VAV3: variants seen among roughly 807,000 people sequenced by gnomAD.
VAV3 encodes vav guanine nucleotide exchange factor 3.
Under a neutral mutation model 131.2 loss-of-function variants are expected in VAV3, and 94 were observed. The ratio of observed to expected loss-of-function variants is 0.72; its 90% CI spans 0.61 to 0.85. The LOEUF (loss-of-function observed/expected upper bound fraction) is 0.85, where lower values mean the gene tolerates loss of function less well. VAV3 is among the 40% of genes least tolerant of loss of function. The pLI is 0.00. For synonymous variants in VAV3, 349 were observed against 342.0 expected, an observed-to-expected ratio of 1.02 and a Z score of -0.22; for missense variants, 939 against 1,002.7, an observed-to-expected ratio of 0.94 and a Z score of 0.86.
chr1:107,638,103 T>C (rs891799438), intron 20 of VAV3, among the ~76,000 whole-genome samples: 8 of 152,182 alleles, frequency 5.3e-5, no homozygotes, highest in South Asian at 2.1e-4. Context: ...GATAATGTCA[T>C]ACTTAATGGT....
chr1:107,626,652 C>G (rs1173467813), intron 20 of VAV3, among the ~76,000 whole-genome samples: 1 of 152,154 alleles, frequency 6.6e-6, no homozygotes, highest in East Asian at 1.9e-4. Flanking sequence ...ACTGGGAAAA[C>G]AAGCTCCAAC....
intron 2 of VAV3, among the ~76,000 whole-genome samples, chr1:107,802,256 G>A (rs926426465): frequency 6.6e-6 from 1 of 151,630 alleles, no homozygotes; most frequent in Non-Finnish European, 1.5e-5. Context: ...TTTTTTTGTG[G>A]ACTCTTTAGA....
At chr1:107,744,293 A>T (rs1388693908) in intron 15 of VAV3, among the ~76,000 whole-genome samples, 1 of 152,234 alleles carries the variant, frequency 6.6e-6, no homozygotes, top group Non-Finnish European at 1.5e-5. Context: ...CCCTTAGGTA[A>T]GCCATGTAGA....
At chr1:107,771,762 T>C (rs545741234) in intron 5 of VAV3, among the ~76,000 whole-genome samples, 1 of 152,234 alleles carries the variant, frequency 6.6e-6, no homozygotes, top group African/African-American at 2.4e-5. Context: ...GAGTGAGGAC[T>C]GCCCTTGCGG....
At chr1:107,661,272 C>T (rs532522541) in intron 19 of VAV3, among the ~76,000 whole-genome samples, 2 of 152,274 alleles carry the variant, frequency 1.3e-5, no homozygotes, top group East Asian at 3.9e-4. Context: ...GTGACATGTA[C>T]ACACAAGAGG....
At chr1:107,840,433 T>C (rs1668649244) in intron 2 of VAV3, among the ~76,000 whole-genome samples, 1 of 152,216 alleles carries the variant, frequency 6.6e-6, no homozygotes, top group South Asian at 2.1e-4. Context: ...ATTAATAAAG[T>C]GCCTTATTCT....
chr1:107,793,683 C>T (rs150868119), intron 2 of VAV3, among the ~76,000 whole-genome samples: 86 of 152,178 alleles, frequency 5.7e-4, no homozygotes, highest in African/African-American at 2.0e-3. Context: ...AAACACCAGG[C>T]TAAGGGGTCT....
intron 1 of VAV3, among the ~76,000 whole-genome samples, chr1:107,900,399 A>G (rs1671796137): frequency 1.3e-5 from 2 of 152,186 alleles, no homozygotes; most frequent in Admixed American, 1.3e-4. Flanking sequence ...TAAATCATCA[A>G]CACAGTACTT....
chr1:107,596,903 G>A (rs17536557), intron 24 of VAV3, among the ~76,000 whole-genome samples: 20,822 of 152,106 alleles, frequency 0.14, 1,514 homozygotes, highest in Non-Finnish European at 0.16. Flanking sequence ...TACTCACAGA[G>A]GTCAATGTAA....
intron 19 of VAV3, among the ~76,000 whole-genome samples, chr1:107,672,735 GA>G (rs1167558940): frequency 6.6e-6 from 1 of 151,840 alleles, no homozygotes; most frequent in Non-Finnish European, 1.5e-5. Context: ...ATAATTCTCA[GA>G]AAAAAATACA....
At chr1:107,669,123 C>T (rs1657604818) in intron 19 of VAV3, 1 of 1,085,156 alleles carries the variant, frequency 9.2e-7, no homozygotes, top group Non-Finnish European at 1.1e-6. Flanking sequence ...AAATTGAAGA[C>T]AGAAAAATTC....
At chr1:107,813,967 A>AGTGTGTGTGTGTGTGTGTGTGT (rs58318688) in intron 2 of VAV3, among the ~76,000 whole-genome samples, 1 of 135,772 alleles carries the variant, frequency 7.4e-6, no homozygotes, top group Non-Finnish European at 1.6e-5. Context: ...ATAGTACTCC[A>AGTGTGTGTGTGTGTGTGTGTGT]GTGTGTGTGT....
At chr1:107,576,685 T>G (rs529265464) in intron 25 of VAV3, among the ~76,000 whole-genome samples, 16 of 152,322 alleles carry the variant, frequency 1.1e-4, no homozygotes, top group African/African-American at 3.6e-4. Context: ...CCACTCCACA[T>G]TGCCATCTTT....
Position 107,755,455 on chromosome 1 carries a change from T to C in VAV3, c.1145A>G (p.Lys382Arg). 6.2e-7 allele frequency: 1 copy of C among 1,613,582 alleles called. No homozygotes were observed. The highest frequency in any genetic ancestry group is 1.1e-5 in the South Asian group (1 of 91,046). ...KRDNETLREI[K>R]QFQLSIENLN... ...ATTCTCTATAGATAGCTGAAACTGT[T>C]TAATTTCACGAAGGGTCTCATTATC... The change falls in exon 12 of 27, where the codon AAA becomes AGA. Residue 382 changes from lysine to arginine, a missense_variant. Physicochemically the swap from Lys to Arg is conservative, Grantham distance 26 (BLOSUM62 2). Coordinates refer to ENST00000370056, the MANE Select transcript of VAV3 (RefSeq NM_006113.5).
intron 2 of VAV3, among the ~76,000 whole-genome samples, chr1:107,873,901 G>A (rs543707084): frequency 3.5e-4 from 53 of 152,058 alleles, no homozygotes; most frequent in Non-Finnish European, 6.2e-4. Flanking sequence ...CCCCATATGC[G>A]CTGTATTTCA....
intron 1 of VAV3, among the ~76,000 whole-genome samples, chr1:107,920,116 C>A (rs2101150042): frequency 6.6e-6 from 1 of 152,310 alleles, no homozygotes; most frequent in South Asian, 2.1e-4. Flanking sequence ...GTTATACTTT[C>A]TTTCCAGAAC....
intron 2 of VAV3, among the ~76,000 whole-genome samples, chr1:107,823,091 C>T (rs1053638861): frequency 3.3e-5 from 5 of 152,096 alleles, no homozygotes; most frequent in African/African-American, 1.2e-4. Context: ...ATATTTTACC[C>T]ACTATCCAAT....
At chr1:107,687,186 T>C (rs1325357772) in intron 18 of VAV3, among the ~76,000 whole-genome samples, 1 of 152,138 alleles carries the variant, frequency 6.6e-6, no homozygotes, top group Admixed American at 6.5e-5. Flanking sequence ...ATCACCTTGT[T>C]ATGCATTCTT....
At chr1:107,655,791 G>A in intron 19 of VAV3, among the ~76,000 whole-genome samples, 1 of 152,074 alleles carries the variant, frequency 6.6e-6, no homozygotes, top group South Asian at 2.1e-4. Context: ...ATGAGCTAAA[G>A]ATCTGAGTAG....
Sources: allele counts gnomAD v4.1 joint callset (sites outside exome capture counted in the v4.1 genomes callset), GRCh38; gene constraint gnomAD v4.1.1; transcripts MANE v1.5; gene names NCBI Gene and HGNC (gene_info 2026-07-23, HGNC 2026-07-21).